LOC400499: variants seen among roughly 807,000 people sequenced by gnomAD.
the LOC400499 span, among the ~76,000 whole-genome samples, chr16:11,509,937 G>A: frequency 6.8e-6 from 1 of 146,394 alleles, no homozygotes; most frequent in Non-Finnish European, 1.5e-5. Context: ...TGGAAGCCAG[G>A]AATGGAGTGA....
the LOC400499 span, among the ~76,000 whole-genome samples, chr16:11,480,929 T>C: frequency 1.3e-5 from 2 of 152,202 alleles, no homozygotes; most frequent in African/African-American, 4.8e-5. Flanking sequence ...CTATTCAGTC[T>C]CCAAAAGGCA....
chr16:11,488,683 A>G, the LOC400499 span: 3 of 398,856 alleles, frequency 7.5e-6, no homozygotes, highest in South Asian at 1.3e-4. Flanking sequence ...CCAGAGCAGG[A>G]CAGGGGCTGC....
chr16:11,395,011 G>A, the LOC400499 span, among the ~76,000 whole-genome samples: 548 of 152,334 alleles, frequency 3.6e-3, 3 homozygotes, highest in African/African-American at 0.012. Flanking sequence ...TCTCTGAGGA[G>A]ATCCAAGTTG....
chr16:11,488,702 G>T, the LOC400499 span: 7 of 398,808 alleles, frequency 1.8e-5, no homozygotes, highest in South Asian at 1.3e-4. Flanking sequence ...GCCCAGGATG[G>T]CCATACCTGA....
At chr16:11,412,663 A>G in the LOC400499 span, among the ~76,000 whole-genome samples, 24 of 152,298 alleles carry the variant, frequency 1.6e-4, no homozygotes, top group Non-Finnish European at 2.8e-4. Context: ...AGGATGAGGG[A>G]TTTTTATAGC....
chr16:11,457,991 C>T, the LOC400499 span, among the ~76,000 whole-genome samples: 10 of 152,308 alleles, frequency 6.6e-5, no homozygotes, highest in East Asian at 1.9e-3. Context: ...CACCTGGGTT[C>T]AGGAGTTCGA....
At chr16:11,438,809 A>G in the LOC400499 span, among the ~76,000 whole-genome samples, 1 of 151,128 alleles carries the variant, frequency 6.6e-6, no homozygotes, top group Admixed American at 6.6e-5. Flanking sequence ...TTAAAATGCT[A>G]TCGGGCTAGG....
the LOC400499 span, among the ~76,000 whole-genome samples, chr16:11,463,016 C>T: frequency 2.4e-4 from 37 of 152,188 alleles, no homozygotes; most frequent in Non-Finnish European, 4.4e-4. Context: ...CCAGACACGT[C>T]GAATGATGGC....
chr16:11,462,037 G>C, the LOC400499 span: 68 of 1,246,448 alleles, frequency 5.5e-5, no homozygotes, highest in African/African-American at 1.7e-4. Context: ...GCAGTGATGA[G>C]GACCATAAGG....
At chr16:11,509,278 C>T in the LOC400499 span, among the ~76,000 whole-genome samples, 46 of 151,430 alleles carry the variant, frequency 3.0e-4, no homozygotes, top group African/African-American at 9.7e-4. Context: ...CCACCACGCC[C>T]GGCTAATTTT....
At chr16:11,457,864 A>C in the LOC400499 span, among the ~76,000 whole-genome samples, 1 of 152,174 alleles carries the variant, frequency 6.6e-6, no homozygotes, top group Non-Finnish European at 1.5e-5. Context: ...ACATGCTACG[A>C]TATGGATGAA....
chr16:11,383,637 C>CT, the LOC400499 span: 1 of 1,232,260 alleles, frequency 8.1e-7, no homozygotes. Flanking sequence ...GCTGGGGCAG[C>CT]TTACCACACT....
chr16:11,488,116 C>CAA, the LOC400499 span, among the ~76,000 whole-genome samples: 5,387 of 138,852 alleles, frequency 0.039, 214 homozygotes, highest in East Asian at 0.22. Context: ...TAGTCCATGT[C>CAA]AAAAAAAAAA....
At chr16:11,375,313 CTT>C in the LOC400499 span, among the ~76,000 whole-genome samples, 8 of 104,334 alleles carry the variant, frequency 7.7e-5, no homozygotes, top group Admixed American at 3.8e-4. Flanking sequence ...CCTCCATGTA[CTT>C]TTTTTTTTTT....
the LOC400499 span, among the ~76,000 whole-genome samples, chr16:11,416,375 T>G: frequency 6.6e-6 from 1 of 151,968 alleles, no homozygotes; most frequent in Non-Finnish European, 1.5e-5. Context: ...TGGCTCTGGG[T>G]TCAATCCTCA....
the LOC400499 span, among the ~76,000 whole-genome samples, chr16:11,492,980 G>C: frequency 6.6e-6 from 1 of 152,248 alleles, no homozygotes; most frequent in Middle Eastern, 3.4e-3. Context: ...TGGAGGAAAA[G>C]TGTACCAGGA....
the LOC400499 span, among the ~76,000 whole-genome samples, chr16:11,451,972 G>C: frequency 9.9e-5 from 15 of 152,186 alleles, no homozygotes; most frequent in African/African-American, 3.1e-4. Context: ...GATCCCTGGA[G>C]AGCCAGGTCC....
chr16:11,484,666 A>T, the LOC400499 span, among the ~76,000 whole-genome samples: 1 of 152,048 alleles, frequency 6.6e-6, no homozygotes, highest in African/African-American at 2.4e-5. Context: ...CAACTTAGGG[A>T]CTTTTCCATG....
chr16:11,392,257 G>T, the LOC400499 span: 2 of 398,852 alleles, frequency 5.0e-6, no homozygotes, highest in South Asian at 1.3e-4. Context: ...TGGCACGGGG[G>T]CCTCTGCCCA....
Sources: gnomAD v4.1 joint callset for allele counts (sites outside exome capture counted in the v4.1 genomes callset) on GRCh38, gnomAD v4.1.1 for gene constraint, MANE v1.5 for transcripts.